The following AKT3 variants were observed in gnomAD, a reference collection of about 807,000 sequenced individuals.
The protein encoded by AKT3 is RAC-gamma serine/threonine-protein kinase.
A neutral mutation model predicts 65.3 loss-of-function variants in AKT3; 15 were observed. That is an observed-to-expected ratio of 0.23 (90% CI 0.15 to 0.35). The LOEUF (loss-of-function observed/expected upper bound fraction) is 0.35, where lower values mean the gene tolerates loss of function less well. AKT3 is among the 10% of genes least tolerant of loss of function. The pLI is 1.00. For missense variants in AKT3, 243 were observed against 576.5 expected (o/e 0.42, Z 5.92); for synonymous variants, 206 against 183.8 (o/e 1.12, Z -0.98).
intron 2 of AKT3, among the ~76,000 whole-genome samples, chr1:243,832,540 G>C (rs1271698217): frequency 6.6e-6 from 1 of 152,104 alleles, no homozygotes; most frequent in Non-Finnish European, 1.5e-5. Context: ...TATAAAGAAT[G>C]ACAATTTGAA....
intron 9 of AKT3, among the ~76,000 whole-genome samples, chr1:243,565,504 C>T (rs1038316321): frequency 6.6e-6 from 1 of 152,234 alleles, no homozygotes; most frequent in South Asian, 2.1e-4. Flanking sequence ...GGATTACAGG[C>T]ATGAGCCACC....
At chr1:243,589,230 C>T (rs778576712) in intron 8 of AKT3, among the ~76,000 whole-genome samples, 5 of 142,154 alleles carry the variant, frequency 3.5e-5, no homozygotes, top group East Asian at 2.2e-4. Flanking sequence ...CGCTTGAACC[C>T]GGGAGGCAGA....
intron 13 of AKT3, among the ~76,000 whole-genome samples, chr1:243,491,776 C>T (rs374612972): frequency 6.6e-6 from 1 of 152,214 alleles, no homozygotes; most frequent in African/African-American, 2.4e-5. Flanking sequence ...GCCACCCTCT[C>T]TGTTTTCCTG....
At chr1:243,542,852 T>C (rs950434586) in intron 12 of AKT3, among the ~76,000 whole-genome samples, 3 of 152,182 alleles carry the variant, frequency 2.0e-5, no homozygotes, top group African/African-American at 7.2e-5. Context: ...GCTGCTATAA[T>C]AAAGTTGCTC....
chr1:243,605,721 A>C (rs1364258223), intron 8 of AKT3, among the ~76,000 whole-genome samples: 1 of 152,192 alleles, frequency 6.6e-6, no homozygotes, highest in East Asian at 1.9e-4. Flanking sequence ...TTTCATCAAA[A>C]ATTTTTAGTG....
chr1:243,511,358 C>A (rs1670002593), intron 13 of AKT3, among the ~76,000 whole-genome samples: 1 of 152,204 alleles, frequency 6.6e-6, no homozygotes, highest in Admixed American at 6.5e-5. Context: ...GCCCACATGA[C>A]CCCTTGTTTG....
At chr1:243,734,011 A>G (rs1235120969) in intron 2 of AKT3, among the ~76,000 whole-genome samples, 1 of 152,208 alleles carries the variant, frequency 6.6e-6, no homozygotes, top group Non-Finnish European at 1.5e-5. Flanking sequence ...AGAAAATCCA[A>G]AAGTCAAATA....
Position 243,503,329 on chromosome 1 carries a change from C to G in AKT3, c.*1920G>C, listed in dbSNP as rs771886035. ...GTTTCATAGCTATAAATCCACACTT[C>G]CAGCGTCAAGAGGCTAAGACATCTG... is the stretch of plus-strand genomic sequence containing the variant. On this transcript the variant is annotated 3_prime_UTR_variant, in exon 14 of 14. Transcript: ENST00000673466. 1.3e-5 allele frequency: 3 copies of G among 233,606 alleles called. No individual in the cohort carries two copies. Among genetic ancestry groups the G allele is most frequent in the Non-Finnish European group, 2.5e-5 (3 of 118,060 alleles). 14.5% of individuals were successfully genotyped at this position (233,606 alleles called of 1,614,324 possible).
chr1:243,661,120 C>T (rs372847284), intron 4 of AKT3, among the ~76,000 whole-genome samples: 12 of 152,192 alleles, frequency 7.9e-5, no homozygotes, highest in South Asian at 2.1e-4. Flanking sequence ...ATCGTGAAAA[C>T]GGCCATACTG....
chr1:243,552,706 A>G, intron 11 of AKT3, 23 bp downstream of exon 11: 1 of 1,594,870 alleles, frequency 6.3e-7, no homozygotes, highest in Non-Finnish European at 8.6e-7. Context: ...TCAGTAATTC[A>G]CTAAGCGTTA....
chr1:243,659,557 T>A (rs1424370674), intron 4 of AKT3, among the ~76,000 whole-genome samples: 5 of 151,868 alleles, frequency 3.3e-5, no homozygotes, highest in Non-Finnish European at 7.4e-5. Flanking sequence ...AATGCTAGAG[T>A]ACAGAAAGGT....
rs1383107055 is a variant in AKT3 at position 243,583,164 on chromosome 1, G to GTATATATA, written c.697-10117_697-10116insTATATATA. Among the ~76,000 whole-genome samples the GTATATATA allele has an allele frequency of 1.0e-3, 76 of 74,872 alleles. 1 individual carries two copies. The highest frequency in any genetic ancestry group is 2.9e-3 in the African/African-American group (69 of 23,394). The allele number at this position is 74,872 out of a possible 152,430, so 49.1% of individuals were successfully genotyped here. A position where few individuals can be genotyped will look rare whatever the true frequency, so the allele number is the denominator to read the frequency against. On this transcript the variant is annotated intron_variant, in intron 8 of 13. Transcript: ENST00000673466. ...ATATATCTCTCTCTTCCATGTATAT[G>GTATATATA]TGTGTGTATATATATATATATATAT...
At chr1:243,643,827 T>C (rs1680615121) in intron 5 of AKT3, among the ~76,000 whole-genome samples, 1 of 152,254 alleles carries the variant, frequency 6.6e-6, no homozygotes, top group African/African-American at 2.4e-5. Flanking sequence ...AATATTCTTA[T>C]TTCACAATGT....
chr1:243,815,069 G>T (rs1256102518), intron 2 of AKT3, among the ~76,000 whole-genome samples: 1 of 152,156 alleles, frequency 6.6e-6, no homozygotes, highest in South Asian at 2.1e-4. Flanking sequence ...GTTTTCCCAT[G>T]AGGGTCCTAG....
rs150207184 is a variant in AKT3, at chr1:243,645,162, T to C, written c.429+731A>G. Reference sequence around the variant, plus strand: ...ATACCAAATTTCATGGATAATACCTTGAAAATTTGTGTTTTCCTCCCTGAA... The same window carrying C: ...ATACCAAATTTCATGGATAATACCTCGAAAATTTGTGTTTTCCTCCCTGAA... On this transcript the variant is annotated intron_variant, in intron 5 of 13. Coordinates refer to ENST00000673466, the MANE Select transcript of AKT3 (RefSeq NM_005465.7). Among the ~76,000 whole-genome samples, 554 of 152,260 alleles carry C rather than the reference T, an allele frequency of 3.6e-3. 2 individuals are homozygous for C. The highest frequency in any genetic ancestry group is 4.9e-3 in the Non-Finnish European group (334 of 68,004).
chr1:243,667,873 C>T (rs1281226599), intron 3 of AKT3, among the ~76,000 whole-genome samples: 1 of 152,032 alleles, frequency 6.6e-6, no homozygotes, highest in African/African-American at 2.4e-5. Flanking sequence ...CTCAACAATG[C>T]ACTACACTCT....
At chr1:243,676,627 A>T (rs1683536160) in intron 3 of AKT3, among the ~76,000 whole-genome samples, 1 of 152,214 alleles carries the variant, frequency 6.6e-6, no homozygotes, top group African/African-American at 2.4e-5. Flanking sequence ...GTTGAAAATT[A>T]CTATACCAGT....
chr1:243,839,989 T>C (rs1695141484), intron 2 of AKT3, among the ~76,000 whole-genome samples: 1 of 151,826 alleles, frequency 6.6e-6, no homozygotes, highest in Non-Finnish European at 1.5e-5. Flanking sequence ...GACACCAACC[T>C]GGCTAACACG....
chr1:243,643,461 A>G (rs978667851), intron 5 of AKT3, among the ~76,000 whole-genome samples: 1 of 152,248 alleles, frequency 6.6e-6, no homozygotes, highest in Non-Finnish European at 1.5e-5. Context: ...AGCTTGGCTG[A>G]CCAAGATTAG....
Sources: gnomAD v4.1 joint callset for allele counts (sites outside exome capture counted in the v4.1 genomes callset) on GRCh38, gnomAD v4.1.1 for gene constraint, MANE v1.5 for transcripts, NCBI Gene and HGNC (gene_info 2026-07-23, HGNC 2026-07-21) for gene names.